The following HHATL variants were observed in gnomAD, a reference collection of about 807,000 sequenced individuals.
HHATL encodes the protein hedgehog acyltransferase like, also known as protein-cysteine N-palmitoyltransferase HHAT-like protein.
In HHATL, 49 loss-of-function variants were observed where a neutral mutation model predicts 59.7. The ratio of observed to expected loss-of-function variants is 0.82; its 90% CI spans 0.65 to 1.04. The LOEUF is 1.04. HHATL is among the 50% of genes least tolerant of loss of function. The pLI, the probability that HHATL is intolerant of heterozygous loss-of-function variation, is 0.00. For synonymous variants in HHATL, 238 were observed against 257.3 expected, an observed-to-expected ratio of 0.93 and a Z score of 0.72; for missense variants, 605 against 650.8, an observed-to-expected ratio of 0.93 and a Z score of 0.77.
At chr3:42,700,951 C>T in intron 1 of HHATL, 112 bp from the exon 2 acceptor site, 2 of 683,048 alleles carry the variant, frequency 2.9e-6, no homozygotes, top group South Asian at 3.5e-5. Context: ...GCCCCTCCAG[C>T]CCCTTGGGGA....
At chr3:42,695,683 C>T (rs879644554) in intron 9 of HHATL, among the ~76,000 whole-genome samples, 17 of 152,174 alleles carry the variant, frequency 1.1e-4, no homozygotes, top group Non-Finnish European at 2.2e-4. Context: ...CAGCTGATGG[C>T]CGTGCCTCCT....
chr3:42,693,080 T>G lies in HHATL; in HGVS notation c.1387A>C (p.Thr463Pro). Reference protein sequence around the residue: ...TELVARRLLLTGFPQTTLSIL... With the variant: ...TELVARRLLLPGFPQTTLSIL... ...TCCCCACACCCCTGTCCCTCACCTG[T>G]GAGTAGCAGGCGCCGGGCAACCAGC... Residue 463 changes from threonine to proline, a missense_variant, in exon 11 of 12, where the codon ACA becomes CCA. Coordinates refer to ENST00000441594, the MANE Select transcript of HHATL (RefSeq NM_020707.4). 3 of 1,614,090 alleles carry G rather than the reference T, an allele frequency of 1.9e-6. No individual in the cohort carries two copies. Among genetic ancestry groups the G allele is most frequent in the Non-Finnish European group, 2.5e-6 (3 of 1,179,986 alleles).
Position 42,699,903 on chromosome 3 carries a change from C to T in HHATL, c.107-78G>A, listed in dbSNP as rs180999351. On this transcript the variant is annotated intron_variant, in intron 2 of 11. Coordinates refer to ENST00000441594, the MANE Select transcript of HHATL (RefSeq NM_020707.4). The stretch of plus-strand genomic sequence containing the variant: ...CCTTCCCCCGTGGACAAGGCTGCCC[C>T]ACCCTGGGGAGCGAGGGCATCAGGA... 2.5e-3 allele frequency: 3,121 copies of T among 1,239,220 alleles called. 5 individuals are homozygous for T. The highest frequency in any genetic ancestry group is 3.3e-3 in the Non-Finnish European group (2,909 of 872,644). 76.8% of individuals were successfully genotyped at this position (1,239,220 alleles called of 1,614,324 possible).
chr3:42,698,430 TC>T, intron 5 of HHATL, 79 bp from the exon 6 acceptor site: 1 of 1,353,896 alleles, frequency 7.4e-7, no homozygotes, highest in Non-Finnish European at 1.0e-6. Flanking sequence ...CTCCCTAGCT[TC>T]CCACAGGGGC....
chr3:42,696,945 C>T, intron 8 of HHATL, 56 bp downstream of exon 8: 1 of 1,613,894 alleles, frequency 6.2e-7, no homozygotes, highest in Non-Finnish European at 8.5e-7. Flanking sequence ...GGGGAAGAGG[C>T]TAGGGGAAGG....
At position 42,698,034 on chromosome 3, in the gene HHATL, C is replaced by T; in HGVS notation, c.693+108G>A. On this transcript the variant is annotated intron_variant, in intron 6 of 11. Coordinates refer to ENST00000441594, the MANE Select transcript of HHATL (RefSeq NM_020707.4). ...ACACGGCTTCATCCTGGAATCATGC[C>T]TGAGGATGGGGATACAGCCTGCTTG... The T allele has an allele frequency of 2.6e-6, 3 of 1,159,848 alleles. No homozygotes were observed. The African/African-American group carries it at 4.5e-5, about 18-fold the overall frequency. 71.8% of individuals were successfully genotyped at this position (1,159,848 alleles called of 1,614,324 possible).
chr3:42,701,962 C>T lies in HHATL; in HGVS notation c.-14+617G>A, dbSNP rs990718353. Among the ~76,000 whole-genome samples, 1 of 152,306 alleles carries T rather than the reference C, an allele frequency of 6.6e-6. No individual in the cohort carries two copies. The highest frequency in any genetic ancestry group is 1.9e-4 in the East Asian group (1 of 5,174). Reference sequence around the variant, plus strand: ...CTCCCCTGGGCCCCCCAGCAGCCGACGGTCTCCTCGTACAGATGGAGGGGT... The same window carrying T: ...CTCCCCTGGGCCCCCCAGCAGCCGATGGTCTCCTCGTACAGATGGAGGGGT... On this transcript the variant is annotated intron_variant, in intron 1 of 11. Coordinates refer to ENST00000441594, the MANE Select transcript of HHATL (RefSeq NM_020707.4). This position sits in a 1 kb window ranked among gnomAD's most constrained non-coding sequence, Gnocchi z 5.1.
At position 42,698,129 on chromosome 3, in the gene HHATL, G is replaced by A. The variant is rs777639529; in HGVS notation, c.693+13C>T. 1.9e-6 allele frequency: 3 copies of A among 1,612,504 alleles called. No homozygotes were observed. In the East Asian group the frequency reaches 6.7e-5, roughly 36 times the overall value. On this transcript the variant is annotated intron_variant, in intron 6 of 11. Transcript: ENST00000441594. ...TCAGCCCTGTTCTAGAAGCCCACAGGGTGTCCCCTCACCTGAGCATGGAAG... is the reference window on the plus strand; with the variant it reads ...TCAGCCCTGTTCTAGAAGCCCACAGAGTGTCCCCTCACCTGAGCATGGAAG...
intron 6 of HHATL, 72 bp from the exon 7 acceptor site, chr3:42,697,751 C>A: frequency 1.3e-6 from 2 of 1,490,390 alleles, no homozygotes; most frequent in Non-Finnish European, 1.8e-6. Flanking sequence ...GGGGGCTCAC[C>A]AACTACTTGG....
intron 9 of HHATL, 149 bp from the exon 10 acceptor site, chr3:42,693,967 C>A (rs1697479089): frequency 1.6e-6 from 1 of 644,010 alleles, no homozygotes; most frequent in Non-Finnish European, 2.8e-6. Context: ...CCTCCTCCAA[C>A]CAACTTCAAA....
Position 42,697,528 on chromosome 3 carries a change from C to T in HHATL, c.845G>A (p.Arg282His), listed in dbSNP as rs975845134. 25 of 1,613,660 alleles carry T rather than the reference C, an allele frequency of 1.5e-5. No homozygotes were observed. Among genetic ancestry groups the T allele is most frequent in the Non-Finnish European group, 2.0e-5 (24 of 1,179,774 alleles). ...CCCACCGAGGGCACTGTCTGGGAGG[C>T]GGTTGGCGAACTTGAGGTCGCTGGG... is the stretch of plus-strand genomic sequence containing the variant. ...TIPSDLKFAN[R>H]LPDSALAGLA... The change falls in exon 7 of 12, where the codon CGC becomes CAC. Residue 282 changes from arginine (R) to histidine (H), a missense_variant. By Grantham distance (29) the Arg-to-His change is conservative. Coordinates refer to ENST00000441594, the MANE Select transcript of HHATL (RefSeq NM_020707.4).
intron 6 of HHATL, 52 bp from the exon 7 acceptor site, chr3:42,697,731 C>G (rs1216873813): frequency 6.3e-7 from 1 of 1,575,606 alleles, no homozygotes; most frequent in South Asian, 1.2e-5. Context: ...CCTGGGGAGC[C>G]CTGTCTGAGG....
intron 9 of HHATL, 55 bp from the exon 10 acceptor site, chr3:42,693,873 G>A: frequency 6.9e-7 from 1 of 1,448,950 alleles, no homozygotes; most frequent in Non-Finnish European, 9.7e-7. Context: ...GCAGGGATGA[G>A]ATGGGAGAGG....
rs546164545 is a variant in HHATL at position 42,694,889 on chromosome 3, C to T, written c.1047-1071G>A. Among the ~76,000 whole-genome samples, 5 of 152,330 alleles carry T rather than the reference C, an allele frequency of 3.3e-5. No homozygotes were observed. In the South Asian group the frequency reaches 6.2e-4, roughly 19 times the overall value. On this transcript the variant is annotated intron_variant, in intron 9 of 11. Coordinates refer to ENST00000441594, the MANE Select transcript of HHATL (RefSeq NM_020707.4). Reference sequence around the variant, plus strand: ...TATTTTCTTCATAACACTTACCACTCTCTAAAATTATCTTATTTATGTTTG... The same window carrying T: ...TATTTTCTTCATAACACTTACCACTTTCTAAAATTATCTTATTTATGTTTG...
chr3:42,697,220 C>G, intron 7 of HHATL, 75 bp from the exon 8 acceptor site: 1 of 1,484,678 alleles, frequency 6.7e-7, no homozygotes, highest in Non-Finnish European at 9.0e-7. Context: ...TGTCCCACCA[C>G]TTCCTTGGGG....
At chr3:42,700,211 T>G (rs1697885961) in intron 2 of HHATL, among the ~76,000 whole-genome samples, 1 of 149,062 alleles carries the variant, frequency 6.7e-6, no homozygotes, top group African/African-American at 2.5e-5. Context: ...TGTGTATATG[T>G]CTGTGTGTTT....
In HHATL at chr3:42,699,773, G is replaced by C; in HGVS notation, c.159C>G (p.Tyr53Ter). 1 of 1,580,932 alleles carries C rather than the reference G, an allele frequency of 6.3e-7. No homozygotes were observed. Among genetic ancestry groups the C allele is most frequent in the South Asian group, 1.2e-5 (1 of 86,246 alleles). ...GGGGACCTACCATCTTCCGGCCAAT[G>C]TACTCCCAGCCAGGTCGCACAGACT... ...FRESVRPGWEYIGRKMDVADF... is the reference protein window; with the variant it reads ...FRESVRPGWE Residue 53 changes from tyrosine (Y) to a stop codon, truncating the protein, a stop_gained, in exon 3 of 12, where the codon TAC becomes TAG. Transcript: ENST00000441594. LOFTEE classifies it high-confidence loss of function.
At position 42,698,272 on chromosome 3, in the gene HHATL, G is replaced by C; in HGVS notation, c.563C>G (p.Thr188Ser). The C allele has an allele frequency of 6.2e-7, 1 of 1,614,148 alleles. No homozygotes were observed. Among genetic ancestry groups the C allele is most frequent in the South Asian group, 1.1e-5 (1 of 91,074 alleles). ...GGCACAGCTCTCCAGTGCAAAGCTG[G>C]TGCAACGCAGCACTGTGAAGCTGCT... Reference protein sequence around the residue: ...GGSSFTVLRCTSFALESCAHP... With the variant: ...GGSSFTVLRCSSFALESCAHP... Residue 188 changes from threonine to serine, a missense_variant, in exon 6 of 12, where the codon ACC (threonine) becomes AGC (serine). By Grantham distance (58) the Thr-to-Ser change is moderately conservative. Transcript: ENST00000441594.
rs762988939 is a variant in HHATL at position 42,697,601 on chromosome 3, T to G, written c.772A>C (p.Ile258Leu). 2.5e-6 allele frequency: 4 copies of G among 1,614,140 alleles called. No individual in the cohort carries two copies. Among genetic ancestry groups the G allele is most frequent in the Non-Finnish European group, 3.4e-6 (4 of 1,179,998 alleles). The change falls in exon 7 of 12, where the codon ATC becomes CTC. Residue 258 changes from isoleucine to leucine, a missense_variant. By Grantham distance (5) the Ile-to-Leu change is conservative. Coordinates refer to ENST00000441594, the MANE Select transcript of HHATL (RefSeq NM_020707.4). ...TGAAAGAAGATGTCGACGGCCATGA[T>G]GGCCACCACGCTTAGGCCTGCCTGG... is the stretch of plus-strand genomic sequence containing the variant. ...RAQAGLSVVA[I>L]MAVDIFFHFF...
Sources: gnomAD v4.1 joint callset for allele counts (sites outside exome capture counted in the v4.1 genomes callset) on GRCh38, gnomAD v4.1.1 for gene constraint, Gnocchi (gnomAD v3.1) non-coding constraint, MANE v1.5 for transcripts, NCBI Gene and HGNC (gene_info 2026-07-23, HGNC 2026-07-21) for gene names.